The following TBX10 variants were observed in gnomAD, a reference collection of about 807,000 sequenced individuals.
TBX10 encodes the protein T-box transcription factor 10, also known as T-box transcription factor TBX10.
Under a neutral mutation model 32.4 loss-of-function variants are expected in TBX10, and 26 were observed. That is an observed-to-expected ratio of 0.80 (90% CI 0.59 to 1.11). The LOEUF (loss-of-function observed/expected upper bound fraction) is 1.11. Among genes scored for constraint, TBX10 ranks in the 50% most tolerant of loss-of-function variants. The pLI is 0.00. For synonymous variants in TBX10, 195 were observed against 203.1 expected (o/e 0.96, Z 0.34); for missense variants, 490 against 494.5 (o/e 0.99, Z 0.09).
At chr11:67,632,541 A>G in intron 6 of TBX10, 62 bp downstream of exon 6, 28 of 1,598,052 alleles carry the variant, frequency 1.8e-5, no homozygotes, top group Non-Finnish European at 2.2e-5. Context: ...AGGGTCAGGA[A>G]CTGAGGCCTT....
At chr11:67,634,137 C>A in intron 4 of TBX10, 52 bp downstream of exon 4, 1 of 1,604,898 alleles carries the variant, frequency 6.2e-7, no homozygotes. Flanking sequence ...ACCAAAGTCC[C>A]TACCAGCCCT....
rs562093612 is a variant in TBX10, at chr11:67,632,763, C to T, written c.706-93G>A. 4.2e-4 allele frequency: 666 copies of T among 1,570,952 alleles called. 13 individuals carry two copies. The East Asian group carries it at 0.015, about 35-fold the overall frequency. On this transcript the variant is annotated intron_variant, in intron 5 of 7. Transcript: ENST00000335385. Reference sequence around the variant, plus strand: ...ACCGGCAGTCAGGAGGCCCTGGCACCTGGGCCTCTTGGCCCAGGAACTCTG... The same window carrying T: ...ACCGGCAGTCAGGAGGCCCTGGCACTTGGGCCTCTTGGCCCAGGAACTCTG...
Position 67,635,141 on chromosome 11 carries a change from T to C in TBX10, c.130A>G (p.Thr44Ala), listed in dbSNP as rs1855305754. ...PFPSGPCTSS[T>A]GAQAVAEPTG... is the part of the protein sequence containing the mutation. ...GGCTCGGCCACAGCTTGGGCCCCAG[T>C]AGAGCTGGTGCAAGGGCCTGATGGG... Residue 44 changes from threonine to alanine, a missense_variant, in exon 2 of 8, where the codon ACT becomes GCT. By Grantham distance (58) the Thr-to-Ala change is moderately conservative (BLOSUM62 0). Coordinates refer to ENST00000335385, the MANE Select transcript of TBX10 (RefSeq NM_005995.5). 2 of 1,613,632 alleles carry C rather than the reference T, an allele frequency of 1.2e-6. No homozygotes were observed. Among genetic ancestry groups the C allele is most frequent in the South Asian group, 2.2e-5 (2 of 91,088 alleles).
At chr11:67,641,581 C>A (rs540620903), upstream of TBX10, among the ~76,000 whole-genome samples, 8 of 152,344 alleles carry the variant, frequency 5.3e-5, no homozygotes, top group Admixed American at 3.3e-4. Context: ...TGCTCAATAC[C>A]AGGAGGTGGC....
At position 67,632,395 on chromosome 11, in the gene TBX10, G is replaced by C. The variant is rs1023842457; in HGVS notation, c.791C>G (p.Pro264Arg). 3.7e-6 allele frequency: 6 copies of C among 1,612,634 alleles called. No homozygotes were observed. Among genetic ancestry groups the C allele is most frequent in the Admixed American group, 3.3e-5 (2 of 60,008 alleles). ...ACTCCGGGCTGGGACACTGAGCAGGGGCCGTGGGGCCACAGGCCTGAAAGA... is the reference window on the plus strand; with the variant it reads ...ACTCCGGGCTGGGACACTGAGCAGGCGCCGTGGGGCCACAGGCCTGAAAGA... ...DLDSWPVAPRPLLSVPARSHS... is the reference protein window; with the variant it reads ...DLDSWPVAPRRLLSVPARSHS... Residue 264 changes from proline to arginine, a missense_variant, in exon 7 of 8, where the codon CCC becomes CGC. Around this residue, in one of 3 missense-constraint regions of TBX10, gnomAD observed 177 missense variants for 176.6 expected, o/e 1.00. Transcript: ENST00000335385.
In TBX10 at chr11:67,632,643, G is replaced by C. The variant is rs1481536122; in HGVS notation, c.733C>G (p.Pro245Ala). ...CTCTCTCTAAAGCCTTTGGCAAAAG[G>C]GTTGCTGGCGATTTTCAGCTGGGTG... ...RITQLKIASN[P>A]FAKGFRESDL... Residue 245 changes from proline (P) to alanine (A), a missense_variant, in exon 6 of 8, where the codon CCT becomes GCT. Coordinates refer to ENST00000335385, the MANE Select transcript of TBX10 (RefSeq NM_005995.5). 6.2e-7 allele frequency: 1 copy of C among 1,614,058 alleles called. No homozygotes were observed. Among genetic ancestry groups the C allele is most frequent in the Admixed American group, 1.7e-5 (1 of 60,032 alleles).
intron 5 of TBX10, 91 bp downstream of exon 5, chr11:67,632,857 T>C: frequency 1.9e-6 from 3 of 1,602,726 alleles, no homozygotes; most frequent in Middle Eastern, 1.7e-4. Context: ...AGGGCAGTAG[T>C]CTGTGCCAGT....
chr11:67,633,025 A>G lies in TBX10; in HGVS notation c.628T>C (p.Tyr210His). 1 of 1,614,190 alleles carries G rather than the reference A, an allele frequency of 6.2e-7. No homozygotes were observed. The highest frequency in any genetic ancestry group is 2.2e-5 in the East Asian group (1 of 44,880). The change falls in exon 5 of 8, where the codon TAT becomes CAT. Residue 210 changes from tyrosine to histidine, a missense_variant. Around this residue, in one of 3 missense-constraint regions of TBX10, gnomAD observed 307 missense variants for 294.9 expected, o/e 1.04. Coordinates refer to ENST00000335385, the MANE Select transcript of TBX10 (RefSeq NM_005995.5). ...AAGGACTTGAAGTTCTCCTGGGCAT[A>G]GCGCTCACTGTCCTTGCGTGGGTCC... ...FVDPRKDSER[Y>H]AQENFKSFIF...
At chr11:67,636,073 C>CTTT (rs60139069) in intron 1 of TBX10, among the ~76,000 whole-genome samples, 1,322 of 97,958 alleles carry the variant, frequency 0.013, 46 homozygotes, top group African/African-American at 0.045. Context: ...ATTAGAACTC[C>CTTT]TTTTTTTTTT....
chr11:67,632,696 G>C (rs1296937037), intron 5 of TBX10, 26 bp from the exon 6 acceptor site: 2 of 1,613,534 alleles, frequency 1.2e-6, no homozygotes, highest in South Asian at 2.2e-5. Context: ...TGCAGTTGTG[G>C]GCTGGCCATG....
At chr11:67,632,502 G>C in intron 6 of TBX10, 90 bp from the exon 7 acceptor site, 1 of 1,582,260 alleles carries the variant, frequency 6.3e-7, no homozygotes, top group Non-Finnish European at 8.7e-7. Context: ...GGGGCCCCAG[G>C]ATGGGTCAGA....
chr11:67,640,530 C>T (rs941847174), upstream of TBX10, among the ~76,000 whole-genome samples: 3 of 152,192 alleles, frequency 2.0e-5, no homozygotes, highest in African/African-American at 4.8e-5. Flanking sequence ...GACCGGGCAC[C>T]CTCTCCAGGT....
intron 3 of TBX10, 151 bp from the exon 4 acceptor site, chr11:67,634,511 G>T: frequency 1.0e-6 from 1 of 969,126 alleles, no homozygotes; most frequent in Non-Finnish European, 1.5e-6. Flanking sequence ...AGAGAATCCT[G>T]TTGAGACCTG....
intron 5 of TBX10, 54 bp from the exon 6 acceptor site, chr11:67,632,724 T>G: frequency 1.9e-6 from 3 of 1,607,948 alleles, no homozygotes; most frequent in Non-Finnish European, 2.6e-6. Flanking sequence ...CTCAGCCACC[T>G]TGTCCTCCCG....
upstream of TBX10, among the ~76,000 whole-genome samples, chr11:67,639,842 C>T (rs1004101060): frequency 1.3e-5 from 2 of 152,212 alleles, no homozygotes; most frequent in African/African-American, 4.8e-5. Flanking sequence ...CTTGTCCTCC[C>T]TCTTCAAGTT....
At chr11:67,636,470 TA>T (rs1855330152) in intron 1 of TBX10, among the ~76,000 whole-genome samples, 1 of 151,646 alleles carries the variant, frequency 6.6e-6, no homozygotes, top group African/African-American at 2.4e-5. Flanking sequence ...CTCAAAAAAT[TA>T]AAACTAGAAT....
intron 7 of TBX10, 120 bp downstream of exon 7, chr11:67,632,198 A>T: frequency 8.3e-7 from 1 of 1,200,348 alleles, no homozygotes; most frequent in Non-Finnish European, 1.2e-6. Flanking sequence ...CCGTGTGTCC[A>T]CACAGGGGCC....
chr11:67,634,921 C>G lies in TBX10; in HGVS notation c.276-4G>C. 2 of 1,613,156 alleles carry G rather than the reference C, an allele frequency of 1.2e-6. No homozygotes were observed. Among genetic ancestry groups the G allele is most frequent in the Non-Finnish European group, 1.7e-6 (2 of 1,179,982 alleles). ...CTGGAAGGGGGGGAACATCCTCCTG[C>G]GGGAGGGAGGTGCTCAGCAGCCGGA... On this transcript the variant is annotated splice_region_variant and splice_polypyrimidine_tract_variant and intron_variant, in intron 2 of 7. Transcript: ENST00000335385.
chr11:67,640,294 C>A (rs1045439605), upstream of TBX10, among the ~76,000 whole-genome samples: 4 of 152,240 alleles, frequency 2.6e-5, no homozygotes, highest in East Asian at 7.7e-4. Flanking sequence ...CCACAGTCTC[C>A]GTGCCTCAGC....
Sources: gnomAD v4.1 joint callset for allele counts (sites outside exome capture counted in the v4.1 genomes callset) on GRCh38, gnomAD v4.1.1 for gene constraint, gnomAD v4.1.1 regional missense constraint, MANE v1.5 for transcripts, NCBI Gene and HGNC (gene_info 2026-07-23, HGNC 2026-07-21) for gene names.